Variants in KAZN observed in about 807,000 individuals in gnomAD.
KAZN encodes kazrin, periplakin interacting protein, also known as kazrin.
In KAZN, 40 loss-of-function variants were observed where a neutral mutation model predicts 87.4. The ratio of observed to expected loss-of-function variants is 0.46; its 90% CI spans 0.36 to 0.60. KAZN has a LOEUF of 0.60. Ranked by LOEUF, KAZN falls within the 20% of genes least tolerant of loss-of-function variation. The probability of loss-of-function intolerance (pLI) is 0.00; values close to 1 mark genes in which losing one functional copy is unlikely to be tolerated. For missense variants in KAZN, 898 were observed against 1,073.9 expected (o/e 0.84, Z 2.29); for synonymous variants, 466 against 458.3 (o/e 1.02, Z -0.22).
intron 1 of KAZN, among the ~76,000 whole-genome samples, chr1:14,019,215 A>C (rs12040786): frequency 0.45 from 68,602 of 151,964 alleles, 17,088 homozygotes; most frequent in Admixed American, 0.6. Flanking sequence ...AACACCATAT[A>C]CCCCAGATAT....
At chr1:13,894,202 G>A (rs1309677398) in intron 1 of KAZN, among the ~76,000 whole-genome samples, 1 of 152,168 alleles carries the variant, frequency 6.6e-6, no homozygotes, top group Non-Finnish European at 1.5e-5. Flanking sequence ...CCCTGCTGGA[G>A]TAACTTCCAT....
chr1:14,985,653 G>C (rs950586834), intron 2 of KAZN, among the ~76,000 whole-genome samples: 2 of 152,168 alleles, frequency 1.3e-5, no homozygotes, highest in Non-Finnish European at 2.9e-5. Flanking sequence ...CTGTGGGTTC[G>C]TTGGATTGAG....
intron 1 of KAZN, among the ~76,000 whole-genome samples, chr1:13,929,380 C>T (rs1234215261): frequency 6.6e-6 from 1 of 152,168 alleles, no homozygotes; most frequent in Non-Finnish European, 1.5e-5. Context: ...GGTTGACTCC[C>T]ACTGTGCGCT....
intron 1 of KAZN, among the ~76,000 whole-genome samples, chr1:14,810,891 G>A (rs190759581): frequency 9.0e-4 from 137 of 152,326 alleles, no homozygotes; most frequent in Non-Finnish European, 1.6e-3. Flanking sequence ...AGTCAGTGCT[G>A]GGGCCTTGGC....
At position 14,599,168 on chromosome 1, in the gene KAZN, G is replaced by A; in HGVS notation, c.171G>A (p.Ser57=). 7.3e-7 allele frequency: 1 copy of A among 1,376,464 alleles called. No individual in the cohort carries two copies. Among genetic ancestry groups the A allele is most frequent in the South Asian group, 1.9e-5 (1 of 52,138 alleles). The allele number at this position is 1,376,464 out of a possible 1,614,324, so 85.3% of individuals were successfully genotyped here. A position where few individuals can be genotyped will look rare whatever the true frequency, so the allele number is the denominator to read the frequency against. ...GCCCGGGAGCCGCGGCCAGCGCCTC[G>A]GCGGCGGGGGACTCGGCGGCGACGA... The part of the protein sequence containing the change: ...GPGPGAAASA[S]AAGDSAATNM... Residue 57 remains serine (S), a synonymous_variant, in exon 1 of 15, where the codon TCG becomes TCA. Coordinates refer to ENST00000376030, the MANE Select transcript of KAZN (RefSeq NM_201628.3). The surrounding 1 kb of genome is among the most constrained non-coding windows in gnomAD (Gnocchi z 4.4).
chr1:14,639,326 C>A (rs74900493), intron 1 of KAZN, among the ~76,000 whole-genome samples: 1 of 152,120 alleles, frequency 6.6e-6, no homozygotes, highest in East Asian at 1.9e-4. Context: ...CCTCTCCAAG[C>A]GGGAAACGAA....
intron 1 of KAZN, among the ~76,000 whole-genome samples, chr1:14,791,960 G>A (rs1197099220): frequency 1.3e-5 from 2 of 152,188 alleles, no homozygotes; most frequent in Admixed American, 6.5e-5. Flanking sequence ...GGGTGACCTC[G>A]GTCAATGCTG....
chr1:14,334,211 C>G (rs1657057285), intron 2 of KAZN, among the ~76,000 whole-genome samples: 1 of 151,646 alleles, frequency 6.6e-6, no homozygotes, highest in South Asian at 2.1e-4. Flanking sequence ...ACTAAAAATA[C>G]AAAATTAGCC....
rs75552123 is a variant in KAZN, at chr1:14,591,171, G to GCC, written c.250-7803_250-7802dup. Among the ~76,000 whole-genome samples the GCC allele has an allele frequency of 4.5e-3, 671 of 147,474 alleles. 5 individuals carry two copies. The highest frequency in any genetic ancestry group is 0.016 in the African/African-American group (645 of 40,066). On this transcript the variant is annotated intron_variant, in intron 2 of 16. Transcript: ENST00000636203. ...CTGGGTTGCTGGAAAATCAAATAGT[G>GCC]CCCCCCCCCCATGGACACAGCCACC... is the stretch of plus-strand genomic sequence containing the variant.
chr1:14,869,438 T>A (rs1223045712), intron 1 of KAZN, among the ~76,000 whole-genome samples: 1 of 152,126 alleles, frequency 6.6e-6, no homozygotes, highest in Non-Finnish European at 1.5e-5. Context: ...GACTAGTCAT[T>A]TTGTGAGTCA....
At chr1:14,932,337 G>A (rs1209439216) in intron 1 of KAZN, among the ~76,000 whole-genome samples, 4 of 151,600 alleles carry the variant, frequency 2.6e-5, no homozygotes, top group Non-Finnish European at 5.9e-5. Flanking sequence ...GCTTGTCTGT[G>A]CTTCCTCTGG....
chr1:14,697,819 C>T (rs1444661061), intron 1 of KAZN, among the ~76,000 whole-genome samples: 2 of 152,254 alleles, frequency 1.3e-5, no homozygotes, highest in Non-Finnish European at 1.5e-5. Flanking sequence ...TGACTGTGGC[C>T]TCTGGCCTGG....
chr1:15,102,007 A>G (rs1641089321), intron 11 of KAZN, among the ~76,000 whole-genome samples: 1 of 151,990 alleles, frequency 6.6e-6, no homozygotes, highest in Non-Finnish European at 1.5e-5. Flanking sequence ...CCTTCTTTCC[A>G]ACAACCCCCT....
intron 2 of KAZN, among the ~76,000 whole-genome samples, chr1:14,277,366 G>C (rs915602826): frequency 1.3e-5 from 2 of 152,050 alleles, no homozygotes; most frequent in African/African-American, 4.8e-5. Flanking sequence ...ACCTATACGA[G>C]TTAGAAACAA....
chr1:15,001,968 C>T (rs559302616), intron 2 of KAZN, among the ~76,000 whole-genome samples: 66 of 150,120 alleles, frequency 4.4e-4, no homozygotes, highest in Middle Eastern at 3.4e-3. Flanking sequence ...GCAAGCTCCG[C>T]CTCCTGGGTT....
At chr1:14,177,823 T>C (rs1389351104) in intron 1 of KAZN, among the ~76,000 whole-genome samples, 4 of 151,738 alleles carry the variant, frequency 2.6e-5, no homozygotes, top group Admixed American at 6.6e-5. Flanking sequence ...GTAATTTGAT[T>C]ATAATATGCC....
At chr1:15,023,589 T>A (rs1371638637) in intron 2 of KAZN, among the ~76,000 whole-genome samples, 2 of 151,966 alleles carry the variant, frequency 1.3e-5, no homozygotes, top group Non-Finnish European at 2.9e-5. Flanking sequence ...GGGGGGTCCT[T>A]GTAGACCATT....
Position 14,018,315 on chromosome 1 carries a change from G to A in KAZN, c.91+124559G>A, listed in dbSNP as rs556139184. 1.2e-4 allele frequency among the ~76,000 whole-genome samples: 18 copies of A among 152,278 alleles called. No homozygotes were observed. In the South Asian group the frequency reaches 2.1e-3, roughly 18 times the overall value. ...GGGTAAATTGACTTCGTGAGAAGAC[G>A]ATGTTTGATTCTAGGCAAAATTTAC... On this transcript the variant is annotated intron_variant, in intron 1 of 16. Coordinates refer to the KAZN transcript ENST00000636203.
intron 2 of KAZN, among the ~76,000 whole-genome samples, chr1:14,459,596 C>T (rs1260917595): frequency 1.3e-5 from 2 of 152,058 alleles, no homozygotes; most frequent in African/African-American, 4.8e-5. Flanking sequence ...GAAAGCATGC[C>T]ACAACCAATT....
Sources: gnomAD v4.1 joint callset for allele counts (sites outside exome capture counted in the v4.1 genomes callset) on GRCh38, gnomAD v4.1.1 for gene constraint, Gnocchi (gnomAD v3.1) non-coding constraint, MANE v1.5 for transcripts, NCBI Gene and HGNC (gene_info 2026-07-23, HGNC 2026-07-21) for gene names.